WDFY4: variants seen among roughly 807,000 people sequenced by gnomAD.
WDFY4 encodes WDFY family member 4.
WDFY4 carries 169 observed loss-of-function variants against 351.9 expected under a neutral mutation model. That is an observed-to-expected ratio of 0.48 (90% CI 0.42 to 0.55). WDFY4 has a LOEUF of 0.55. Ranked by LOEUF, WDFY4 falls within the 20% of genes least tolerant of loss-of-function variation. The pLI, the probability that WDFY4 is intolerant of heterozygous loss-of-function variation, is 0.00. For synonymous variants in WDFY4, 1,622 were observed against 1,574.6 expected (o/e 1.03, Z -0.71); for missense variants, 3,803 against 3,935.6 (o/e 0.97, Z 0.90).
chr10:48,753,700 A>G (rs1015567359), intron 12 of WDFY4, among the ~76,000 whole-genome samples: 7 of 152,154 alleles, frequency 4.6e-5, no homozygotes, highest in African/African-American at 1.4e-4. Flanking sequence ...TCTCAATCCT[A>G]TTTCATTGAT....
Position 48,867,245 on chromosome 10 carries a change from T to A in WDFY4, c.6664-20T>A. 1 of 1,288,506 alleles carries A rather than the reference T, an allele frequency of 7.8e-7. No individual in the cohort carries two copies. The highest frequency in any genetic ancestry group is 1.0e-6 in the Non-Finnish European group (1 of 992,234). The allele number at this position is 1,288,506 out of a possible 1,614,324, so 79.8% of individuals were successfully genotyped here. ...ATCACAACTATCATTAAGCTGTGAC[T>A]TGTTTTCTCCTTTCTCCAGGATTTT... On this transcript the variant is annotated intron_variant, in intron 39 of 61. Coordinates refer to ENST00000325239, the MANE Select transcript of WDFY4 (RefSeq NM_001394531.1).
intron 23 of WDFY4, among the ~76,000 whole-genome samples, chr10:48,796,024 G>A (rs1230647838): frequency 6.6e-6 from 1 of 152,154 alleles, no homozygotes; most frequent in Non-Finnish European, 1.5e-5. Flanking sequence ...AAATGAGAAT[G>A]AGGCTTGAGG....
intron 10 of WDFY4, 33 bp from the exon 11 acceptor site, chr10:48,735,847 G>A (rs1023114265): frequency 6.5e-7 from 1 of 1,533,810 alleles, no homozygotes; most frequent in Middle Eastern, 1.8e-4. Context: ...CTTCCCCCTT[G>A]CCCTAGCCCC....
intron 39 of WDFY4, among the ~76,000 whole-genome samples, chr10:48,854,659 T>G (rs2889699): frequency 0.37 from 56,109 of 152,072 alleles, 10,699 homozygotes; most frequent in East Asian, 0.71. Flanking sequence ...CTAAGGTGTC[T>G]GGATTTCTGC....
At position 48,854,478 on chromosome 10, in the gene WDFY4, C is replaced by T. The variant is rs528244773; in HGVS notation, c.6664-12787C>T. Reference sequence around the variant, plus strand: ...TTTACACCCCAACAGTCTCACTAGGCGATCCCTTGCAGTTTACAAAATATT... The same window carrying T: ...TTTACACCCCAACAGTCTCACTAGGTGATCCCTTGCAGTTTACAAAATATT... On this transcript the variant is annotated intron_variant, in intron 39 of 61. Coordinates refer to ENST00000325239, the MANE Select transcript of WDFY4 (RefSeq NM_001394531.1). Among the ~76,000 whole-genome samples, 137 of 152,214 alleles carry T rather than the reference C, an allele frequency of 9.0e-4. 6 individuals carry two copies. The South Asian group carries it at 0.026, about 29-fold the overall frequency.
At chr10:48,799,545 C>A (rs1036287712) in intron 24 of WDFY4, among the ~76,000 whole-genome samples, 1 of 152,016 alleles carries the variant, frequency 6.6e-6, no homozygotes, top group Non-Finnish European at 1.5e-5. Context: ...GAGGCCGAGG[C>A]GGGTGGATCG....
chr10:48,787,807 C>CTTCTTCTTCTTCTTCT (rs1555010320), intron 20 of WDFY4, among the ~76,000 whole-genome samples: 29 of 76,734 alleles, frequency 3.8e-4, no homozygotes, highest in East Asian at 2.6e-3. Flanking sequence ...CCTCCTCCTC[C>CTTCTTCTTCTTCTTCT]TCTTCTTCTT....
At position 48,822,421 on chromosome 10, in the gene WDFY4, C is replaced by T. The variant is rs1360639172; in HGVS notation, c.5866C>T (p.Pro1956Ser). Reference sequence around the variant, plus strand: ...GCCAAGTGCAGAAGCTGCTGCTGCCCCTTCTCTTGCCAACATCTCCTGCTT... The same window carrying T: ...GCCAAGTGCAGAAGCTGCTGCTGCCTCTTCTCTTGCCAACATCTCCTGCTT... ...PQPSAEAAAA[P>S]SLANISCFTQ... The change falls in exon 35 of 62, where the codon CCT becomes TCT. Residue 1956 changes from proline to serine, a missense_variant. Transcript: ENST00000325239. 9 of 1,550,856 alleles carry T rather than the reference C, an allele frequency of 5.8e-6. No homozygotes were observed. The highest frequency in any genetic ancestry group is 7.9e-6 in the Non-Finnish European group (9 of 1,146,454).
intron 11 of WDFY4, among the ~76,000 whole-genome samples, chr10:48,741,685 C>A (rs2064856017): frequency 6.6e-6 from 1 of 152,158 alleles, no homozygotes. Flanking sequence ...CACCCCTCCC[C>A]CAGATAGGGA....
chr10:48,742,796 C>T (rs17771643), intron 11 of WDFY4, among the ~76,000 whole-genome samples, 172 bp from the exon 12 acceptor site: 3,287 of 152,266 alleles, frequency 0.022, 48 homozygotes, highest in Middle Eastern at 0.058. Context: ...AAACCTAAAC[C>T]GTAAGAGGAA....
At chr10:48,799,201 T>C (rs1043237291) in intron 24 of WDFY4, among the ~76,000 whole-genome samples, 1 of 152,028 alleles carries the variant, frequency 6.6e-6, no homozygotes, top group Non-Finnish European at 1.5e-5. Context: ...ACTACCCTCT[T>C]CAGGAGATCT....
At chr10:48,936,335 G>A (rs1431909526) in intron 47 of WDFY4, among the ~76,000 whole-genome samples, 2 of 151,916 alleles carry the variant, frequency 1.3e-5, no homozygotes, top group Non-Finnish European at 2.9e-5. Context: ...ATAAATTTCT[G>A]AATGAAGATG....
intron 6 of WDFY4, among the ~76,000 whole-genome samples, chr10:48,726,317 A>C (rs1381154381): frequency 6.6e-6 from 1 of 152,232 alleles, no homozygotes; most frequent in Non-Finnish European, 1.5e-5. Flanking sequence ...AAAGCAGGGA[A>C]AGAGGATCTC....
intron 2 of WDFY4, among the ~76,000 whole-genome samples, chr10:48,718,553 C>T (rs1204346436): frequency 1.3e-5 from 2 of 152,256 alleles, no homozygotes; most frequent in African/African-American, 2.4e-5. Flanking sequence ...GGCAGCAAAA[C>T]TGCCTTCCGT....
chr10:48,752,254 C>T (rs372777823), intron 12 of WDFY4, among the ~76,000 whole-genome samples: 10 of 152,272 alleles, frequency 6.6e-5, no homozygotes, highest in South Asian at 6.2e-4. Context: ...CTAGATTTCC[C>T]GAATCACAAA....
Position 48,729,517 on chromosome 10 carries a change from T to C in WDFY4, c.1057T>C (p.Ser353Pro). ...LVVWLTTCGR[S>P]ELKVFDSITY... is the part of the protein sequence containing the mutation. ...GGTGTGGCTGACAACCTGTGGGAGG[T>C]CAGAGCTGAAGGTGTTTGACAGCAT... Residue 353 changes from serine to proline, a missense_variant, in exon 8 of 62, where the codon TCA becomes CCA. Physicochemically the swap from Ser to Pro is moderately conservative, Grantham distance 74 (BLOSUM62 -1). Around this residue, in one of 3 missense-constraint regions of WDFY4, gnomAD observed 488 missense variants for 456.8 expected, o/e 1.07. Coordinates refer to ENST00000325239, the MANE Select transcript of WDFY4 (RefSeq NM_001394531.1). The C allele has an allele frequency of 6.4e-7, 1 of 1,551,386 alleles. No individual in the cohort carries two copies. The highest frequency in any genetic ancestry group is 8.7e-7 in the Non-Finnish European group (1 of 1,146,938).
intron 25 of WDFY4, chr10:48,804,803 T>A (rs1349607139): frequency 6.1e-6 from 6 of 983,566 alleles, no homozygotes; most frequent in Non-Finnish European, 7.2e-6. Context: ...GGATTCTGTC[T>A]TTTTCTCCTT....
chr10:48,750,535 C>T (rs1453715606), intron 12 of WDFY4, among the ~76,000 whole-genome samples: 2 of 152,250 alleles, frequency 1.3e-5, no homozygotes, highest in African/African-American at 2.4e-5. Context: ...GAAGCCTCCC[C>T]TGGCCTGCCC....
At chr10:48,777,096 C>A in intron 16 of WDFY4, 112 bp downstream of exon 16, 1 of 1,311,590 alleles carries the variant, frequency 7.6e-7, no homozygotes, top group African/African-American at 1.5e-5. Context: ...CACCACTCAG[C>A]AGAGGAAAAT....
Sources: allele counts gnomAD v4.1 joint callset (sites outside exome capture counted in the v4.1 genomes callset), GRCh38; gene constraint gnomAD v4.1.1; regional missense constraint gnomAD v4.1.1; transcripts MANE v1.5; gene names NCBI Gene and HGNC (gene_info 2026-07-23, HGNC 2026-07-21).